Variants in CNBD1 observed in about 807,000 individuals in gnomAD.
CNBD1 encodes cyclic nucleotide binding domain containing 1, also known as cyclic nucleotide-binding domain-containing protein 1.
In CNBD1, 71 loss-of-function variants were observed where a neutral mutation model predicts 54.4. The ratio of observed to expected loss-of-function variants is 1.30; its 90% CI spans 1.08 to 1.59. The LOEUF (loss-of-function observed/expected upper bound fraction) is 1.59, where lower values mean the gene tolerates loss of function less well. Among genes scored for constraint, CNBD1 ranks in the 40% most tolerant of loss-of-function variants. The pLI, the probability that CNBD1 is intolerant of heterozygous loss-of-function variation, is 0.00. For missense variants in CNBD1, 659 were observed against 518.0 expected (o/e 1.27, Z -2.64); for synonymous variants, 182 against 170.7 (o/e 1.07, Z -0.51).
At chr8:87,140,483 G>T (rs1459592557) in intron 4 of CNBD1, among the ~76,000 whole-genome samples, 2 of 152,060 alleles carry the variant, frequency 1.3e-5, no homozygotes, top group Non-Finnish European at 2.9e-5. Context: ...CCTTCAGCTT[G>T]CAGATGACTT....
At chr8:87,278,307 A>G (rs914219284) in intron 6 of CNBD1, among the ~76,000 whole-genome samples, 4 of 151,556 alleles carry the variant, frequency 2.6e-5, no homozygotes, top group African/African-American at 9.7e-5. Flanking sequence ...TTTTTTTCTG[A>G]CTGTGGAAAG....
chr8:87,383,098 G>C (rs559624087), downstream of CNBD1, among the ~76,000 whole-genome samples: 1 of 151,618 alleles, frequency 6.6e-6, no homozygotes, highest in Non-Finnish European at 1.5e-5. Context: ...TAGCTGTCTT[G>C]GTTCCAAATT....
At chr8:87,341,205 C>T (rs972527138) in intron 8 of CNBD1, among the ~76,000 whole-genome samples, 1 of 151,860 alleles carries the variant, frequency 6.6e-6, no homozygotes, top group Non-Finnish European at 1.5e-5. Context: ...CTAGTGTCTG[C>T]TTGTTGTAGC....
chr8:87,224,850 T>C (rs373563572), intron 5 of CNBD1, among the ~76,000 whole-genome samples: 10,467 of 149,672 alleles, frequency 0.07, 1,187 homozygotes, highest in African/African-American at 0.24. Context: ...GCCATTTTCA[T>C]GATATTGATT....
chr8:86,895,264 G>C (rs1413612259), intron 2 of CNBD1, among the ~76,000 whole-genome samples: 1 of 152,060 alleles, frequency 6.6e-6, no homozygotes, highest in East Asian at 1.9e-4. Context: ...GTGTGTGTGT[G>C]TGTGTGTGTG....
chr8:87,414,341 G>A (rs967182961), intron 2 of CNBD1, among the ~76,000 whole-genome samples: 9 of 152,084 alleles, frequency 5.9e-5, no homozygotes, highest in Non-Finnish European at 1.3e-4. Context: ...ATGGACACAG[G>A]AAGGGGAACA....
At chr8:86,989,067 T>C (rs1030078594) in intron 4 of CNBD1, among the ~76,000 whole-genome samples, 1 of 151,962 alleles carries the variant, frequency 6.6e-6, no homozygotes, top group Admixed American at 6.6e-5. Context: ...ACTTTGGAGT[T>C]TGAGACAAGC....
At chr8:87,373,245 A>C (rs1810856836) in intron 10 of CNBD1, among the ~76,000 whole-genome samples, 1 of 151,824 alleles carries the variant, frequency 6.6e-6, no homozygotes, top group South Asian at 2.1e-4. Flanking sequence ...TGATACTTCT[A>C]CTGACCCAAT....
At chr8:87,271,655 T>A (rs1207621433) in intron 6 of CNBD1, among the ~76,000 whole-genome samples, 3 of 151,970 alleles carry the variant, frequency 2.0e-5, no homozygotes, top group Admixed American at 1.3e-4. Flanking sequence ...ACACTGTTGA[T>A]GAGAATGTAA....
chr8:87,323,280 C>T (rs1399772821), intron 8 of CNBD1, among the ~76,000 whole-genome samples: 8 of 107,630 alleles, frequency 7.4e-5, no homozygotes, highest in South Asian at 2.9e-4. Context: ...ATTGACTTGG[C>T]GATGTGGGCT....
chr8:86,974,241 G>C (rs1381732549), intron 4 of CNBD1, among the ~76,000 whole-genome samples: 1 of 151,996 alleles, frequency 6.6e-6, no homozygotes, highest in Non-Finnish European at 1.5e-5. Flanking sequence ...AAAAAATTCA[G>C]AAGTGGGAAA....
chr8:86,918,379 A>G (rs1809220544), intron 3 of CNBD1, among the ~76,000 whole-genome samples: 1 of 152,146 alleles, frequency 6.6e-6, no homozygotes, highest in African/African-American at 2.4e-5. Context: ...TTCATATTAC[A>G]CAGGTTTACA....
In CNBD1 at chr8:87,205,009, T is replaced by C. The variant is rs1402248603; in HGVS notation, c.432-984T>C. The stretch of plus-strand genomic sequence containing the variant: ...AAACAAAAAACACAATTTATATCAT[T>C]CTATAAACACACACAGACATAAACC... On this transcript the variant is annotated intron_variant, in intron 4 of 10. Transcript: ENST00000518476. Among the ~76,000 whole-genome samples, 9 of 152,060 alleles carry C rather than the reference T, an allele frequency of 5.9e-5. No homozygotes were observed. The East Asian group carries it at 1.7e-3, about 29-fold the overall frequency.
chr8:87,336,275 A>C (rs1048037709), intron 8 of CNBD1, among the ~76,000 whole-genome samples: 4 of 152,066 alleles, frequency 2.6e-5, no homozygotes, highest in Non-Finnish European at 5.9e-5. Context: ...CTTCTGGATA[A>C]TATTCTGAAG....
chr8:87,318,903 A>C (rs1809459899), intron 8 of CNBD1, among the ~76,000 whole-genome samples: 1 of 152,058 alleles, frequency 6.6e-6, no homozygotes, highest in Non-Finnish European at 1.5e-5. Flanking sequence ...TTCATGGAAG[A>C]CTGATAGCCA....
At chr8:86,950,411 T>G (rs1295405627) in intron 4 of CNBD1, among the ~76,000 whole-genome samples, 3 of 152,124 alleles carry the variant, frequency 2.0e-5, no homozygotes, top group Admixed American at 1.3e-4. Context: ...TTATATGATT[T>G]TTGCCCTTCA....
chr8:87,425,490 G>T lies in CNBD1; in HGVS notation c.214-3056G>T, dbSNP rs537870692. ...CTTTGATGATGGTGACGTACAGATG[G>T]GTTTTTGGTGTGGATGTCCTTTCTG... On this transcript the variant is annotated intron_variant, in intron 2 of 7. Transcript: ENST00000521593. Among the ~76,000 whole-genome samples the T allele has an allele frequency of 3.3e-3, 508 of 152,240 alleles. 1 individual carries two copies. Among genetic ancestry groups the T allele is most frequent in the Non-Finnish European group, 4.6e-3 (314 of 68,024 alleles).
intron 4 of CNBD1, among the ~76,000 whole-genome samples, chr8:87,133,456 G>A (rs1266756560): frequency 6.6e-6 from 1 of 152,156 alleles, no homozygotes; most frequent in Non-Finnish European, 1.5e-5. Context: ...CCTTAGCTAT[G>A]TGTATCAGTC....
chr8:87,243,181 T>C (rs994103056), intron 6 of CNBD1, among the ~76,000 whole-genome samples: 21 of 152,198 alleles, frequency 1.4e-4, no homozygotes, highest in African/African-American at 5.1e-4. Flanking sequence ...ATCTGAGGTT[T>C]TATCAGATAT....
Sources: gnomAD v4.1 joint callset for allele counts (sites outside exome capture counted in the v4.1 genomes callset) on GRCh38, gnomAD v4.1.1 for gene constraint, MANE v1.5 for transcripts, NCBI Gene and HGNC (gene_info 2026-07-23, HGNC 2026-07-21) for gene names.